Variants in DSCAM observed in about 807,000 individuals in gnomAD.
DSCAM encodes DS cell adhesion molecule.
DSCAM carries 47 observed loss-of-function variants against 217.7 expected under a neutral mutation model. The observed-to-expected ratio is 0.22, with a 90% CI of 0.17 to 0.28. DSCAM has a LOEUF of 0.28. Ranked by LOEUF, DSCAM falls within the 10% of genes least tolerant of loss-of-function variation. The pLI, the probability that DSCAM is intolerant of heterozygous loss-of-function variation, is 1.00. For synonymous variants in DSCAM, 1,056 were observed against 1,015.3 expected, an observed-to-expected ratio of 1.04 and a Z score of -0.76; for missense variants, 2,080 against 2,618.3, an observed-to-expected ratio of 0.79 and a Z score of 4.49.
intron 1 of DSCAM, among the ~76,000 whole-genome samples, chr21:40,771,503 C>T (rs920144794): frequency 6.6e-6 from 1 of 152,160 alleles, no homozygotes; most frequent in African/African-American, 2.4e-5. Context: ...TTCTCCTCTC[C>T]GCACCTACAC....
chr21:40,185,111 A>G (rs973570765), intron 14 of DSCAM, among the ~76,000 whole-genome samples: 1 of 152,154 alleles, frequency 6.6e-6, no homozygotes, highest in Non-Finnish European at 1.5e-5. Flanking sequence ...GTGGAGGTGA[A>G]ATGCATTAAT....
chr21:40,425,025 G>T (rs539036140), intron 3 of DSCAM, among the ~76,000 whole-genome samples: 18 of 152,180 alleles, frequency 1.2e-4, no homozygotes, highest in African/African-American at 4.3e-4. Context: ...TTGAACCTGG[G>T]GGGTGGAGGT....
chr21:40,762,959 G>T (rs1441837652), intron 1 of DSCAM, among the ~76,000 whole-genome samples: 1 of 152,138 alleles, frequency 6.6e-6, no homozygotes. Flanking sequence ...AATAAGAGCT[G>T]TTTATGACAA....
intron 1 of DSCAM, among the ~76,000 whole-genome samples, chr21:40,841,760 G>A (rs1215453894): frequency 2.6e-5 from 4 of 152,228 alleles, no homozygotes; most frequent in East Asian, 1.9e-4. Context: ...GCGCCACGCC[G>A]GGGTTCCCTC....
At chr21:40,088,305 C>A (rs1488820852) in intron 21 of DSCAM, among the ~76,000 whole-genome samples, 1 of 152,108 alleles carries the variant, frequency 6.6e-6, no homozygotes, top group Admixed American at 6.5e-5. Context: ...GAGACCCCTG[C>A]ACCATTTCTG....
intron 3 of DSCAM, among the ~76,000 whole-genome samples, chr21:40,429,424 G>T (rs976630031): frequency 4.6e-5 from 7 of 151,970 alleles, no homozygotes; most frequent in Non-Finnish European, 7.4e-5. Flanking sequence ...GCACCACCAC[G>T]CCTGGCTAAT....
At chr21:40,234,292 A>C (rs781108921) in intron 11 of DSCAM, among the ~76,000 whole-genome samples, 1 of 152,216 alleles carries the variant, frequency 6.6e-6, no homozygotes, top group Non-Finnish European at 1.5e-5. Flanking sequence ...TCTGGTACAG[A>C]ACAGTTCTGC....
At position 40,339,265 on chromosome 21, in the gene DSCAM, C is replaced by A; in HGVS notation, c.1361G>T (p.Arg454Leu). The change falls in exon 7 of 33, where the codon CGC becomes CTC. Residue 454 changes from arginine (R) to leucine (L), a missense_variant. By Grantham distance (102) the Arg-to-Leu change is moderately radical (BLOSUM62 -2). Around this residue, in one of 5 missense-constraint regions of DSCAM, gnomAD observed 568 missense variants for 678.1 expected, o/e 0.84. Transcript: ENST00000400454. ...CTCCGACGTGATCATCTGGCTGATG[C>A]GGTGACTGCCACCCTTGAGAATCGG... Reference protein sequence around the residue: ...DDPILKGGSHRISQMITSEGN... With the variant: ...DDPILKGGSHLISQMITSEGN... 2.5e-6 allele frequency: 4 copies of A among 1,614,126 alleles called. No individual in the cohort carries two copies. In the East Asian group the frequency reaches 8.9e-5, roughly 36 times the overall value.
At chr21:40,169,748 G>A (rs1039751371) in intron 15 of DSCAM, among the ~76,000 whole-genome samples, 68 of 152,116 alleles carry the variant, frequency 4.5e-4, no homozygotes, top group African/African-American at 1.6e-3. Flanking sequence ...ACAAGAGCTG[G>A]AGAGAGAGGA....
At chr21:40,672,976 C>T (rs575055793) in intron 3 of DSCAM, among the ~76,000 whole-genome samples, 1 of 152,320 alleles carries the variant, frequency 6.6e-6, no homozygotes, top group African/African-American at 2.4e-5. Context: ...ACAGCAGTCA[C>T]ATCAATCCCC....
intron 3 of DSCAM, among the ~76,000 whole-genome samples, chr21:40,616,021 C>G (rs1297855402): frequency 6.6e-6 from 1 of 151,630 alleles, no homozygotes; most frequent in Non-Finnish European, 1.5e-5. Context: ...CATACAAGAT[C>G]CATGCAAACA....
chr21:40,751,171 G>A (rs1377784372), intron 1 of DSCAM, among the ~76,000 whole-genome samples: 1 of 152,000 alleles, frequency 6.6e-6, no homozygotes, highest in East Asian at 1.9e-4. Flanking sequence ...GACATCCCCA[G>A]GACTCTATCA....
chr21:40,157,202 TCCACGC>T (rs1408769484), intron 16 of DSCAM, among the ~76,000 whole-genome samples: 4 of 152,242 alleles, frequency 2.6e-5, no homozygotes, highest in Non-Finnish European at 5.9e-5. Context: ...TCTTCACTCA[TCCACGC>T]ATGGACTGCA....
intron 28 of DSCAM, among the ~76,000 whole-genome samples, chr21:40,056,970 A>T (rs983988957): frequency 2.0e-5 from 3 of 152,200 alleles, no homozygotes; most frequent in Admixed American, 6.5e-5. Flanking sequence ...CCACTCTTAA[A>T]CCAAGTGGTG....
intron 3 of DSCAM, among the ~76,000 whole-genome samples, chr21:40,653,334 C>G (rs932902313): frequency 1.3e-5 from 2 of 152,138 alleles, no homozygotes; most frequent in Admixed American, 6.5e-5. Flanking sequence ...TTGATGTGCC[C>G]AGGTGGATGG....
chr21:40,756,685 C>T (rs923096640), intron 1 of DSCAM, among the ~76,000 whole-genome samples: 6 of 152,096 alleles, frequency 3.9e-5, no homozygotes, highest in African/African-American at 1.2e-4. Flanking sequence ...AGCCACCACG[C>T]GCAGCCCAGG....
chr21:40,838,445 G>A (rs1023813601), intron 1 of DSCAM, among the ~76,000 whole-genome samples: 3 of 152,188 alleles, frequency 2.0e-5, no homozygotes, highest in Non-Finnish European at 4.4e-5. Context: ...CCATGATAAT[G>A]CTGAAGCCAC....
At chr21:40,358,146 C>A (rs2074716313) in intron 4 of DSCAM, among the ~76,000 whole-genome samples, 3 of 152,284 alleles carry the variant, frequency 2.0e-5, no homozygotes, top group Admixed American at 6.5e-5. Flanking sequence ...AAATGAAATG[C>A]ACCAACTTCT....
chr21:40,816,666 A>G (rs189072812), intron 1 of DSCAM, among the ~76,000 whole-genome samples: 1 of 152,334 alleles, frequency 6.6e-6, no homozygotes, highest in East Asian at 1.9e-4. Context: ...GCGATCTGCA[A>G]TAGAGATCTT....
Sources: allele counts gnomAD v4.1 joint callset (sites outside exome capture counted in the v4.1 genomes callset), GRCh38; gene constraint gnomAD v4.1.1; regional missense constraint gnomAD v4.1.1; transcripts MANE v1.5; gene names NCBI Gene and HGNC (gene_info 2026-07-23, HGNC 2026-07-21).